Variants in CALCR observed in about 807,000 individuals in gnomAD.
CALCR encodes calcitonin receptor.
In CALCR, 47 loss-of-function variants were observed where a neutral mutation model predicts 59.5. That is an observed-to-expected ratio of 0.79 (90% CI 0.63 to 1.01). The LOEUF is 1.01. Among genes scored for constraint, CALCR ranks in the 50% least tolerant of loss-of-function variants. CALCR has a pLI of 0.00. For missense variants in CALCR, 566 were observed against 597.1 expected (o/e 0.95, Z 0.54); for synonymous variants, 213 against 211.3 (o/e 1.01, Z -0.07).
intron 2 of CALCR, among the ~76,000 whole-genome samples, chr7:93,560,512 A>AC (rs1789720383): frequency 2.0e-5 from 3 of 152,044 alleles, no homozygotes; most frequent in African/African-American, 4.8e-5. Flanking sequence ...TCCTTTATGC[A>AC]CTGTAGGATC....
chr7:93,566,388 C>A (rs1436702852), intron 2 of CALCR, among the ~76,000 whole-genome samples: 3 of 152,024 alleles, frequency 2.0e-5, no homozygotes, highest in African/African-American at 7.2e-5. Flanking sequence ...GTTCCGGTGG[C>A]CTGATTGAGT....
chr7:93,425,131 A>ATCT lies in CALCR; in HGVS notation c.*1222_*1224dup, dbSNP rs1241126952. ...ACTGGTTTATTCAGGATTTTCAAAAATCTTATACTGGGAAGTAAAGAGAGA... is the reference window on the plus strand; with the variant it reads ...ACTGGTTTATTCAGGATTTTCAAAAATCTTCTTATACTGGGAAGTAAAGAGAGA... On this transcript the variant is annotated 3_prime_UTR_variant, in exon 14 of 14. Transcript: ENST00000426151. The ATCT allele has an allele frequency of 5.2e-5, 8 of 152,622 alleles. No homozygotes were observed. Among genetic ancestry groups the ATCT allele is most frequent in the African/African-American group, 1.7e-4 (7 of 41,446 alleles). The allele number at this position is 152,622 out of a possible 1,614,324, so 9.5% of individuals were successfully genotyped here. A position where few individuals can be genotyped will look rare whatever the true frequency, so the allele number is the denominator to read the frequency against.
At chr7:93,560,516 T>G (rs920077385) in intron 2 of CALCR, among the ~76,000 whole-genome samples, 1 of 152,118 alleles carries the variant, frequency 6.6e-6, no homozygotes, top group African/African-American at 2.4e-5. Flanking sequence ...TTATGCACTG[T>G]AGGATCCTAC....
intron 2 of CALCR, among the ~76,000 whole-genome samples, chr7:93,490,163 G>T (rs762927406): frequency 3.3e-5 from 5 of 151,930 alleles, no homozygotes; most frequent in Admixed American, 1.3e-4. Context: ...AAAACCACAT[G>T]ATTATCTCAA....
chr7:93,529,107 T>A (rs2116123924), intron 2 of CALCR, among the ~76,000 whole-genome samples: 1 of 152,328 alleles, frequency 6.6e-6, no homozygotes, highest in Non-Finnish European at 1.5e-5. Flanking sequence ...TTTGTATATT[T>A]GTCTCCACCC....
chr7:93,536,778 T>C, intron 2 of CALCR, among the ~76,000 whole-genome samples: 1 of 151,808 alleles, frequency 6.6e-6, no homozygotes, highest in East Asian at 1.9e-4. Context: ...TGGCTTTTTT[T>C]CTTTTGGGTC....
chr7:93,501,809 T>A (rs973580450), intron 2 of CALCR, among the ~76,000 whole-genome samples: 5 of 152,092 alleles, frequency 3.3e-5, no homozygotes, highest in African/African-American at 1.2e-4. Flanking sequence ...ATCTGTCGCT[T>A]TCCCTAAAGG....
chr7:93,435,029 T>C (rs780923076), intron 12 of CALCR, among the ~76,000 whole-genome samples: 2 of 152,188 alleles, frequency 1.3e-5, no homozygotes, highest in Non-Finnish European at 2.9e-5. Context: ...ACATCCTATC[T>C]TGCTATCCAA....
chr7:93,469,576 CTCTCTCTCTT>C (rs1198215182), intron 6 of CALCR, among the ~76,000 whole-genome samples: 2 of 151,684 alleles, frequency 1.3e-5, no homozygotes, highest in Admixed American at 6.6e-5. Flanking sequence ...TCTGGTCTCT[CTCTCTCTCTT>C]TCTCTCTCTT....
At chr7:93,552,901 A>C (rs1789498823) in intron 2 of CALCR, among the ~76,000 whole-genome samples, 1 of 152,176 alleles carries the variant, frequency 6.6e-6, no homozygotes. Context: ...GGCCATATTC[A>C]GTGTAGCACA....
chr7:93,468,423 C>T (rs1800483393), intron 7 of CALCR, among the ~76,000 whole-genome samples: 1 of 151,666 alleles, frequency 6.6e-6, no homozygotes, highest in Non-Finnish European at 1.5e-5. Flanking sequence ...TAAATGGAAC[C>T]TTTACCATAT....
At chr7:93,534,487 T>C (rs1285850209) in intron 2 of CALCR, among the ~76,000 whole-genome samples, 6 of 149,394 alleles carry the variant, frequency 4.0e-5, no homozygotes, top group Non-Finnish European at 9.1e-5. Context: ...TCAAAAATAA[T>C]TGTCATGCTT....
intron 2 of CALCR, among the ~76,000 whole-genome samples, chr7:93,540,948 G>A (rs529685611): frequency 6.6e-6 from 1 of 151,800 alleles, no homozygotes; most frequent in African/African-American, 2.4e-5. Context: ...AATATTAATA[G>A]CAAAAAATTA....
At chr7:93,460,562 A>ATATATATATATATATATATAT (rs1305307735) in intron 8 of CALCR, among the ~76,000 whole-genome samples, 2 of 85,818 alleles carry the variant, frequency 2.3e-5, no homozygotes, top group African/African-American at 1.8e-4. Context: ...TCTAAAAAAA[A>ATATATATATATATATATATAT]AAAAAAAAAA....
chr7:93,511,272 T>G (rs928710426), intron 2 of CALCR, among the ~76,000 whole-genome samples: 1 of 152,176 alleles, frequency 6.6e-6, no homozygotes, highest in South Asian at 2.1e-4. Flanking sequence ...TGGAGAAGAA[T>G]TCACACGTAC....
intron 7 of CALCR, among the ~76,000 whole-genome samples, chr7:93,467,871 C>T (rs541068713): frequency 1.3e-5 from 2 of 151,502 alleles, no homozygotes; most frequent in Non-Finnish European, 3.0e-5. Flanking sequence ...AATCCAGGCA[C>T]CTTACATGTA....
intron 5 of CALCR, among the ~76,000 whole-genome samples, chr7:93,475,727 G>A (rs1800653384): frequency 6.6e-6 from 1 of 151,662 alleles, no homozygotes; most frequent in Non-Finnish European, 1.5e-5. Flanking sequence ...TCATTTCTTG[G>A]TTTTAACTGT....
chr7:93,510,045 C>T (rs779647026), intron 2 of CALCR, among the ~76,000 whole-genome samples: 15 of 152,000 alleles, frequency 9.9e-5, no homozygotes, highest in Non-Finnish European at 1.9e-4. Context: ...AAAGAATAAA[C>T]GACTCTTACT....
At chr7:93,523,462 G>A (rs1584605176) in intron 2 of CALCR, among the ~76,000 whole-genome samples, 1 of 152,238 alleles carries the variant, frequency 6.6e-6, no homozygotes, top group African/African-American at 2.4e-5. Context: ...GGCAGAGACT[G>A]TGTCTTATTC....
Sources: gnomAD v4.1 joint callset for allele counts (sites outside exome capture counted in the v4.1 genomes callset) on GRCh38, gnomAD v4.1.1 for gene constraint, MANE v1.5 for transcripts, NCBI Gene and HGNC (gene_info 2026-07-23, HGNC 2026-07-21) for gene names.